The following YLPM1 variants were observed in gnomAD, a reference collection of about 807,000 sequenced individuals.
YLPM1 encodes the protein YLP motif-containing protein 1.
In YLPM1, 99 loss-of-function variants were observed where a neutral mutation model predicts 230.0. The ratio of observed to expected loss-of-function variants is 0.43; its 90% CI spans 0.37 to 0.51. YLPM1 has a LOEUF of 0.51. Among genes scored for constraint, YLPM1 ranks in the 20% least tolerant of loss-of-function variants. YLPM1 has a pLI of 0.00. For missense variants in YLPM1, 2,592 were observed against 2,707.7 expected, an observed-to-expected ratio of 0.96 and a Z score of 0.95; for synonymous variants, 984 against 942.5, an observed-to-expected ratio of 1.04 and a Z score of -0.81.
chr14:74,765,614 T>G (rs1237251534), intron 1 of YLPM1, among the ~76,000 whole-genome samples: 2 of 152,222 alleles, frequency 1.3e-5, no homozygotes, highest in Non-Finnish European at 2.9e-5. Context: ...AAGTCTTTAG[T>G]GCTTTTGTTG....
intron 17 of YLPM1, 198 bp from the exon 18 acceptor site, chr14:74,824,058 G>A (rs576738414): frequency 1.0e-5 from 6 of 572,298 alleles, no homozygotes; most frequent in Admixed American, 6.5e-5. Context: ...ACTCTGAAAT[G>A]TGGACAGTGA....
At chr14:74,770,769 G>T (rs2090970701) in intron 1 of YLPM1, among the ~76,000 whole-genome samples, 1 of 152,242 alleles carries the variant, frequency 6.6e-6, no homozygotes, top group South Asian at 2.1e-4. Context: ...CATTCTAAGG[G>T]CAGTTGGAAG....
Position 74,782,091 on chromosome 14 carries a change from C to T in YLPM1, c.2048C>T (p.Thr683Ile). 1 of 1,613,954 alleles carries T rather than the reference C, an allele frequency of 6.2e-7. No individual in the cohort carries two copies. Among genetic ancestry groups the T allele is most frequent in the African/African-American group, 1.3e-5 (1 of 75,042 alleles). ...GTGTCTTTTGGTTCTGCCCCACCGACAACTTACCATCCTCCGTTGCAATCA... is the reference window on the plus strand; with the variant it reads ...GTGTCTTTTGGTTCTGCCCCACCGATAACTTACCATCCTCCGTTGCAATCA... ...TPVSFGSAPPTTYHPPLQSAG... is the reference protein window; with the variant it reads ...TPVSFGSAPPITYHPPLQSAG... Residue 683 changes from threonine to isoleucine, a missense_variant, in exon 4 of 21, where the codon ACA becomes ATA. By Grantham distance (89) the Thr-to-Ile change is moderately conservative. Around this residue, in one of 4 missense-constraint regions of YLPM1, gnomAD observed 1,862 missense variants for 1,819.8 expected, o/e 1.02. Coordinates refer to ENST00000325680, the MANE Select transcript of YLPM1 (RefSeq NM_019589.3).
intron 4 of YLPM1, among the ~76,000 whole-genome samples, chr14:74,784,471 G>A (rs182288172): frequency 6.6e-6 from 1 of 152,276 alleles, no homozygotes; most frequent in East Asian, 1.9e-4. Context: ...ATTCAGAGAG[G>A]TTGTAAATAC....
rs999617632 is a variant in YLPM1, at chr14:74,817,233, G to A, written c.5902G>A (p.Gly1968Ser). 1.2e-6 allele frequency: 2 copies of A among 1,600,508 alleles called. No homozygotes were observed. The highest frequency in any genetic ancestry group is 1.7e-6 in the Non-Finnish European group (2 of 1,172,912). The part of the protein sequence containing the change: ...AEMSADNQTC[G>S]KRNIHGRKLK... ...AATGAGTGCAGATAACCAGACTTGT[G>A]GCAAGAGAAATATTCATGGAAGAAA... Residue 1968 changes from glycine to serine, a missense_variant, in exon 15 of 21, where the codon GGC becomes AGC. Transcript: ENST00000325680.
intron 17 of YLPM1, among the ~76,000 whole-genome samples, chr14:74,823,143 G>A (rs2140140096): frequency 6.7e-6 from 1 of 150,092 alleles, no homozygotes; most frequent in South Asian, 2.2e-4. Flanking sequence ...GAAACCCATA[G>A]GATTATGCTC....
In YLPM1 at chr14:74,799,082, G is replaced by C. The variant is rs772311973; in HGVS notation, c.3785G>C (p.Gly1262Ala). ...CGGTCTCATGATGGAGATAGGCGAGGCCCTTGGTGGGATGATTGGGAGAGA... is the reference window on the plus strand; with the variant it reads ...CGGTCTCATGATGGAGATAGGCGAGCCCCTTGGTGGGATGATTGGGAGAGA... ...PSRSHDGDRRGPWWDDWERDQ... is the reference protein window; with the variant it reads ...PSRSHDGDRRAPWWDDWERDQ... Residue 1262 changes from glycine (G) to alanine (A), a missense_variant, in exon 5 of 21, where the codon GGC becomes GCC. By Grantham distance (60) the Gly-to-Ala change is moderately conservative. Transcript: ENST00000325680. The C allele has an allele frequency of 1.2e-5, 20 of 1,613,888 alleles. No homozygotes were observed. Among genetic ancestry groups the C allele is most frequent in the Non-Finnish European group, 1.5e-5 (18 of 1,179,908 alleles).
At chr14:74,820,436 T>TG (rs1224679517) in intron 16 of YLPM1, among the ~76,000 whole-genome samples, 2 of 152,064 alleles carry the variant, frequency 1.3e-5, no homozygotes, top group East Asian at 1.9e-4. Context: ...TTTTTAGAGA[T>TG]GGGGTCTCAC....
intron 2 of YLPM1, among the ~76,000 whole-genome samples, chr14:74,779,915 G>A (rs1455001591): frequency 1.3e-5 from 2 of 151,078 alleles, no homozygotes; most frequent in South Asian, 2.1e-4. Flanking sequence ...GTGATTCTCC[G>A]GCCTCAGCCT....
chr14:74,793,868 C>T (rs1220520056), intron 4 of YLPM1, among the ~76,000 whole-genome samples: 1 of 152,150 alleles, frequency 6.6e-6, no homozygotes, highest in Non-Finnish European at 1.5e-5. Flanking sequence ...TTTTTAGCCC[C>T]AAGTTTTACT....
In YLPM1 at chr14:74,835,892, TCC is replaced by T; in HGVS notation, c.*155_*156del. The stretch of plus-strand genomic sequence containing the variant: ...ACTGCTTTAGTTTTTTTTAAAGTTC[TCC>T]AGTGTCCCCAAGAGGTATTAGAATC... On this transcript the variant is annotated 3_prime_UTR_variant, in exon 21 of 21. Coordinates refer to ENST00000325680, the MANE Select transcript of YLPM1 (RefSeq NM_019589.3). 1 of 456,392 alleles carries T rather than the reference TCC, an allele frequency of 2.2e-6. No homozygotes were observed. The highest frequency in any genetic ancestry group is 7.0e-5 in the East Asian group (1 of 14,386). 28.3% of individuals were successfully genotyped at this position (456,392 alleles called of 1,614,324 possible).
At chr14:74,819,084 C>T (rs2091500954) in intron 16 of YLPM1, among the ~76,000 whole-genome samples, 3 of 152,108 alleles carry the variant, frequency 2.0e-5, no homozygotes, top group Admixed American at 1.3e-4. Flanking sequence ...AATTTTTCTA[C>T]CTTTTTCTCT....
intron 18 of YLPM1, 65 bp downstream of exon 18, chr14:74,824,372 G>C: frequency 6.6e-7 from 1 of 1,514,080 alleles, no homozygotes; most frequent in Non-Finnish European, 9.0e-7. Flanking sequence ...AGATCTTTCT[G>C]CTATAAGAGG....
chr14:74,780,150 T>G (rs1224888453), intron 2 of YLPM1, among the ~76,000 whole-genome samples: 1 of 152,126 alleles, frequency 6.6e-6, no homozygotes. Flanking sequence ...TTAGGAATAA[T>G]AAGATTATTA....
intron 4 of YLPM1, 39 bp from the exon 5 acceptor site, chr14:74,797,539 TGC>T (rs1383636515): frequency 2.1e-6 from 3 of 1,395,846 alleles, no homozygotes; most frequent in African/African-American, 1.4e-5. Context: ...TTTTTTTTTC[TGC>T]TTTACTGTCT....
intron 4 of YLPM1, among the ~76,000 whole-genome samples, chr14:74,791,288 C>A (rs1257854835): frequency 1.2e-4 from 18 of 151,958 alleles, no homozygotes; most frequent in Admixed American, 1.2e-3. Flanking sequence ...AAAAAAAAAT[C>A]AAATAGTGAT....
intron 1 of YLPM1, among the ~76,000 whole-genome samples, chr14:74,765,514 C>A (rs1156745757): frequency 6.6e-6 from 1 of 152,200 alleles, no homozygotes; most frequent in Non-Finnish European, 1.5e-5. Flanking sequence ...TGTTGGCTTA[C>A]ATCAAATTTG....
intron 18 of YLPM1, among the ~76,000 whole-genome samples, chr14:74,828,530 A>C (rs936104954): frequency 3.9e-5 from 6 of 152,176 alleles, no homozygotes; most frequent in Admixed American, 3.3e-4. Context: ...AGTTGTTGGA[A>C]AGCCTAGCCC....
intron 1 of YLPM1, among the ~76,000 whole-genome samples, chr14:74,776,970 C>T (rs2091046765): frequency 6.6e-6 from 1 of 151,992 alleles, no homozygotes; most frequent in East Asian, 1.9e-4. Context: ...GCGGGAGGAT[C>T]ATTTGAGCAC....
Sources: allele counts gnomAD v4.1 joint callset (sites outside exome capture counted in the v4.1 genomes callset), GRCh38; gene constraint gnomAD v4.1.1; regional missense constraint gnomAD v4.1.1; transcripts MANE v1.5; gene names NCBI Gene and HGNC (gene_info 2026-07-23, HGNC 2026-07-21).